The following KIAA0825 variants were observed in gnomAD, a reference collection of about 807,000 sequenced individuals.
KIAA0825 encodes the protein KIAA0825.
Under a neutral mutation model 147.6 loss-of-function variants are expected in KIAA0825, and 119 were observed. The observed-to-expected ratio is 0.81, with a 90% CI of 0.69 to 0.94. The LOEUF is 0.94. Ranked by LOEUF, KIAA0825 falls within the 40% of genes least tolerant of loss-of-function variation. The pLI is 0.00. For missense variants in KIAA0825, 1,381 were observed against 1,472.7 expected (o/e 0.94, Z 1.02); for synonymous variants, 470 against 518.1 (o/e 0.91, Z 1.26).
Position 94,563,710 on chromosome 5 carries a change from A to G in KIAA0825, c.-2+18723T>C, listed in dbSNP as rs1011911071. Among the ~76,000 whole-genome samples the G allele has an allele frequency of 2.0e-5, 3 of 152,286 alleles. No individual in the cohort carries two copies. In the South Asian group the frequency reaches 6.2e-4, roughly 32 times the overall value. ...ATTTTTTTTATGTTTTTTGAGACAG[A>G]GTTCCACTGTTTCACCCAGGATGGG... On this transcript the variant is annotated intron_variant, in intron 2 of 20. Transcript: ENST00000682413.
At chr5:94,548,254 C>T (rs921046572) in intron 2 of KIAA0825, among the ~76,000 whole-genome samples, 9 of 152,038 alleles carry the variant, frequency 5.9e-5, no homozygotes, top group African/African-American at 1.7e-4. Context: ...GGAGAAACAA[C>T]GAAAAGTTAA....
At chr5:94,202,999 T>C (rs757602043) in intron 20 of KIAA0825, among the ~76,000 whole-genome samples, 5 of 152,308 alleles carry the variant, frequency 3.3e-5, no homozygotes, top group Non-Finnish European at 7.4e-5. Flanking sequence ...CCCCTATCTG[T>C]CCTCAGGTGA....
At chr5:94,385,972 A>C (rs908689104) in intron 19 of KIAA0825, among the ~76,000 whole-genome samples, 2 of 152,210 alleles carry the variant, frequency 1.3e-5, no homozygotes, top group Non-Finnish European at 2.9e-5. Context: ...GCTTCTGTAG[A>C]CACAGCCTAA....
chr5:94,215,885 T>A (rs1038794544), intron 20 of KIAA0825, among the ~76,000 whole-genome samples: 18 of 152,246 alleles, frequency 1.2e-4, no homozygotes, highest in African/African-American at 4.1e-4. Flanking sequence ...CTGAGGACTC[T>A]CATGACCAGA....
chr5:94,403,780 C>T lies in KIAA0825; in HGVS notation c.2676G>A (p.Val892=), dbSNP rs1180717371. 3 of 1,551,204 alleles carry T rather than the reference C, an allele frequency of 1.9e-6. No individual in the cohort carries two copies. Among genetic ancestry groups the T allele is most frequent in the Non-Finnish European group, 2.6e-6 (3 of 1,146,764 alleles). ...ATCGGATGACCTCTAGCTCGTACTC[C>T]ACGCACGTTGAGACTTTAAAATCAG... ...FLYNIPVSTC[V]EYELEVIRCL... Residue 892 remains valine, a synonymous_variant, in exon 16 of 21, where the codon GTG becomes GTA. Transcript: ENST00000682413.
chr5:94,335,222 G>A (rs1393324980), intron 20 of KIAA0825, among the ~76,000 whole-genome samples: 2 of 152,134 alleles, frequency 1.3e-5, no homozygotes, highest in Admixed American at 6.5e-5. Flanking sequence ...CCAAAGTTCA[G>A]TAGAGGTTTG....
chr5:94,391,038 A>G (rs1032402737), intron 18 of KIAA0825, among the ~76,000 whole-genome samples: 4 of 152,212 alleles, frequency 2.6e-5, no homozygotes, highest in African/African-American at 9.7e-5. Flanking sequence ...CATTGGTTCA[A>G]CCAGTGTCTG....
Position 94,152,196 on chromosome 5 carries a change from G to T in KIAA0825, c.*1811C>A, listed in dbSNP as rs1405856438. ...TTTTATTTAAAGAAAAAATGTAAGA[G>T]ATTTCCTAATGTGGCCTCCTCTGCA... is the stretch of plus-strand genomic sequence containing the variant. On this transcript the variant is annotated 3_prime_UTR_variant, in exon 21 of 21. Coordinates refer to ENST00000682413, the MANE Select transcript of KIAA0825 (RefSeq NM_001145678.3). 6.6e-6 allele frequency among the ~76,000 whole-genome samples: 1 copy of T among 152,160 alleles called. No homozygotes were observed. Among genetic ancestry groups the T allele is most frequent in the African/African-American group, 2.4e-5 (1 of 41,434 alleles).
intron 2 of KIAA0825, among the ~76,000 whole-genome samples, chr5:94,579,534 A>C (rs1781690635): frequency 6.6e-6 from 1 of 152,238 alleles, no homozygotes; most frequent in Non-Finnish European, 1.5e-5. Context: ...AGTCACAAGA[A>C]CATCACCGTA....
At chr5:94,463,288 G>A (rs1760065251) in intron 11 of KIAA0825, among the ~76,000 whole-genome samples, 1 of 150,592 alleles carries the variant, frequency 6.6e-6, no homozygotes, top group Non-Finnish European at 1.5e-5. Flanking sequence ...TTACATTCAG[G>A]GTTGAAGAAA....
intron 20 of KIAA0825, among the ~76,000 whole-genome samples, chr5:94,267,527 C>T (rs1466481079): frequency 6.6e-6 from 1 of 152,156 alleles, no homozygotes; most frequent in Admixed American, 6.5e-5. Flanking sequence ...GAAAGACCCA[C>T]TCAGTGGTAA....
chr5:94,224,972 T>A (rs757022218), intron 20 of KIAA0825, among the ~76,000 whole-genome samples: 1 of 152,200 alleles, frequency 6.6e-6, no homozygotes, highest in Non-Finnish European at 1.5e-5. Flanking sequence ...CACTTATCTC[T>A]CCACTTTGTT....
At chr5:94,403,436 C>A in intron 16 of KIAA0825, 133 bp downstream of exon 16, 1 of 639,396 alleles carries the variant, frequency 1.6e-6, no homozygotes, top group South Asian at 2.1e-5. Flanking sequence ...AAATAAGGGT[C>A]GCACATCTAC....
At chr5:94,616,735 A>G (rs1270038170) in intron 1 of KIAA0825, among the ~76,000 whole-genome samples, 1 of 152,232 alleles carries the variant, frequency 6.6e-6, no homozygotes, top group East Asian at 1.9e-4. Context: ...AAACTGGCCA[A>G]GGATAAAGGC....
chr5:94,360,310 T>C (rs1418165868), intron 20 of KIAA0825, among the ~76,000 whole-genome samples: 1 of 152,138 alleles, frequency 6.6e-6, no homozygotes, highest in African/African-American at 2.4e-5. Flanking sequence ...AACAGAACTC[T>C]AATTTTCTAA....
Position 94,296,064 on chromosome 5 carries a change from A to T in KIAA0825, c.3710+88304T>A, listed in dbSNP as rs571208305. Among the ~76,000 whole-genome samples, 247 of 152,298 alleles carry T rather than the reference A, an allele frequency of 1.6e-3. 1 individual carries two copies. Among genetic ancestry groups the T allele is most frequent in the Non-Finnish European group, 2.7e-3 (187 of 68,024 alleles). ...GAGATGGGAATTTTATCTATAAGCC[A>T]CTGACTGGGGCTGCTGCCTTTCTTT... On this transcript the variant is annotated intron_variant, in intron 20 of 20. Coordinates refer to ENST00000682413, the MANE Select transcript of KIAA0825 (RefSeq NM_001145678.3).
At chr5:94,164,522 C>T (rs1436109732) in intron 20 of KIAA0825, among the ~76,000 whole-genome samples, 3 of 151,946 alleles carry the variant, frequency 2.0e-5, no homozygotes, top group Non-Finnish European at 4.4e-5. Context: ...AGTGATTCTC[C>T]TGCCTTAGTT....
chr5:94,519,980 T>TATGCAATCA, intron 5 of KIAA0825: 1 of 1,065,394 alleles, frequency 9.4e-7, no homozygotes, highest in South Asian at 3.4e-5. Flanking sequence ...CTGTTTGTCA[T>TATGCAATCA]ATGCAATCAA....
rs145527819 is a variant in KIAA0825, at chr5:94,406,974, C to T, written c.2663-3181G>A. On this transcript the variant is annotated intron_variant, in intron 15 of 20. Coordinates refer to ENST00000682413, the MANE Select transcript of KIAA0825 (RefSeq NM_001145678.3). ...AAAATGTCCTATCCCCAGGATGTTT[C>T]GTCAAAACAGTCAGTAGCAATGGTT... Among the ~76,000 whole-genome samples the T allele has an allele frequency of 9.5e-4, 145 of 152,226 alleles. 1 individual carries two copies. Among genetic ancestry groups the T allele is most frequent in the African/African-American group, 3.4e-3 (142 of 41,522 alleles).
Sources: allele counts gnomAD v4.1 joint callset (sites outside exome capture counted in the v4.1 genomes callset), GRCh38; gene constraint gnomAD v4.1.1; transcripts MANE v1.5; gene names NCBI Gene and HGNC (gene_info 2026-07-23, HGNC 2026-07-21).